The following ABCA4 variants were observed in gnomAD, a reference collection of about 807,000 sequenced individuals.
The protein encoded by ABCA4 is ATP binding cassette subfamily A member 4, also known as retinal-specific phospholipid-transporting ATPase ABCA4.
ABCA4 carries 196 observed loss-of-function variants against 263.7 expected under a neutral mutation model. The observed-to-expected ratio is 0.74, with a 90% confidence interval of 0.66 to 0.84. The LOEUF is 0.84. Ranked by LOEUF, ABCA4 falls within the 40% of genes least tolerant of loss-of-function variation. The pLI, the probability that ABCA4 is intolerant of heterozygous loss-of-function variation, is 0.00. For missense variants in ABCA4, 2,792 were observed against 2,855.1 expected, an observed-to-expected ratio of 0.98 and a Z score of 0.50; for synonymous variants, 1,133 against 1,094.2, an observed-to-expected ratio of 1.04 and a Z score of -0.70.
Position 93,996,247 on chromosome 1 carries a change from C to T in ABCA4, c.6730-52G>A, listed in dbSNP as rs956526633. Reference sequence around the variant, plus strand: ...GGTAGATATTTCCAGGAAAACAGCACCCTACACCCACCTACCCACTTTGCT... The same window carrying T: ...GGTAGATATTTCCAGGAAAACAGCATCCTACACCCACCTACCCACTTTGCT... On this transcript the variant is annotated intron_variant, in intron 48 of 49. Coordinates refer to ENST00000370225, the MANE Select transcript of ABCA4 (RefSeq NM_000350.3). 14 of 1,367,810 alleles carry T rather than the reference C, an allele frequency of 1.0e-5. No individual in the cohort carries two copies. In the Middle Eastern group the frequency reaches 8.9e-4, roughly 87 times the overall value. 84.7% of individuals were successfully genotyped at this position (1,367,810 alleles called of 1,614,324 possible). A position where few individuals can be genotyped will look rare whatever the true frequency, so the allele number is the denominator to read the frequency against.
intron 11 of ABCA4, among the ~76,000 whole-genome samples, chr1:94,074,368 G>T (rs1246383063): frequency 6.6e-6 from 1 of 152,158 alleles, no homozygotes; most frequent in Non-Finnish European, 1.5e-5. Flanking sequence ...ATTAACTCAA[G>T]CTGGATTAAA....
intron 18 of ABCA4, among the ~76,000 whole-genome samples, chr1:94,047,456 T>C (rs1324702391): frequency 6.6e-6 from 1 of 152,164 alleles, no homozygotes; most frequent in Non-Finnish European, 1.5e-5. Context: ...AGTTGGGATT[T>C]GAACCCAGAG....
At chr1:94,108,766 C>A in intron 3 of ABCA4, 50 bp from the exon 4 acceptor site, 1 of 1,600,376 alleles carries the variant, frequency 6.2e-7, no homozygotes. Flanking sequence ...ATTTTTATAA[C>A]AGTAATAATA....
Position 94,001,877 on chromosome 1 carries a change from C to T in ABCA4, c.6263G>A (p.Cys2088Tyr). Residue 2088 changes from cysteine to tyrosine, a missense_variant, in exon 45 of 50, where the codon TGC becomes TAC. Cys to Tyr is a radical substitution (Grantham distance 194). Transcript: ENST00000370225. Reference protein sequence around the residue: ...KLSTAIALIGCPPLVLLDEPT... With the variant: ...KLSTAIALIGYPPLVLLDEPT... ...AGTTACCAGCAGCACCAGCGGTGGG[C>T]AGCCAATGAGTGCGATGGCTGTGGA... 6.2e-7 allele frequency: 1 copy of T among 1,614,250 alleles called. No individual in the cohort carries two copies. Among genetic ancestry groups the T allele is most frequent in the Non-Finnish European group, 8.5e-7 (1 of 1,180,054 alleles).
intron 6 of ABCA4, among the ~76,000 whole-genome samples, chr1:94,097,110 A>AT (rs1662144390): frequency 6.6e-6 from 1 of 152,150 alleles, no homozygotes; most frequent in Non-Finnish European, 1.5e-5. Context: ...GAAACTTTGG[A>AT]TAGAGACATT....
At chr1:94,090,858 G>T (rs537556611) in intron 6 of ABCA4, among the ~76,000 whole-genome samples, 3 of 152,258 alleles carry the variant, frequency 2.0e-5, no homozygotes, top group Admixed American at 6.5e-5. Context: ...TGAGGTTTTA[G>T]GTTCCATGAG....
chr1:93,999,373 G>A (rs1659111889), intron 47 of ABCA4, among the ~76,000 whole-genome samples: 1 of 152,220 alleles, frequency 6.6e-6, no homozygotes, highest in African/African-American at 2.4e-5. Context: ...CCCAGTGTGG[G>A]GATCCCAAGA....
intron 14 of ABCA4, 112 bp from the exon 15 acceptor site, chr1:94,056,934 G>T: frequency 2.3e-6 from 2 of 884,840 alleles, no homozygotes; most frequent in South Asian, 1.4e-5. Flanking sequence ...AAATTTCTAC[G>T]CACACTCCAT....
chr1:94,031,782 G>A lies in ABCA4; in HGVS notation c.4124C>T (p.Ala1375Val), dbSNP rs1267585230. The change falls in exon 27 of 50, where the codon GCG becomes GTG. Residue 1375 changes from alanine (A) to valine (V), a missense_variant. Transcript: ENST00000370225. ...AACACCGACCGACAATAGTACCTGC[G>A]CCAGGAAGTCCTTGTGGCTGCGGAT... Reference protein sequence around the residue: ...HTIRSHKDFLAQIVLPATFVF... With the variant: ...HTIRSHKDFLVQIVLPATFVF... The A allele has an allele frequency of 1.5e-5, 24 of 1,613,482 alleles. No individual in the cohort carries two copies. The highest frequency in any genetic ancestry group is 2.2e-5 in the East Asian group (1 of 44,894).
In ABCA4 at chr1:94,079,507, T is replaced by C. The variant is rs772535294; in HGVS notation, c.1100-46A>G. The stretch of plus-strand genomic sequence containing the variant: ...GATTTTACAGAAACTCCCCATTGCT[T>C]GTAACTCAATATAGTCATTAGTGTA... On this transcript the variant is annotated intron_variant, in intron 8 of 49. Coordinates refer to ENST00000370225, the MANE Select transcript of ABCA4 (RefSeq NM_000350.3). The C allele has an allele frequency of 1.2e-5, 19 of 1,613,224 alleles. No individual in the cohort carries two copies. In the South Asian group the frequency reaches 1.9e-4, roughly 16 times the overall value.
intron 5 of ABCA4, among the ~76,000 whole-genome samples, chr1:94,100,357 T>C (rs532866990): frequency 6.6e-6 from 1 of 152,366 alleles, no homozygotes; most frequent in Admixed American, 6.5e-5. Flanking sequence ...TCTTTTAACT[T>C]CAACTGCCAT....
intron 45 of ABCA4, 186 bp downstream of exon 45, chr1:94,001,672 G>A: frequency 1.1e-6 from 1 of 873,938 alleles, no homozygotes; most frequent in Non-Finnish European, 1.8e-6. Flanking sequence ...GCCGTGACTT[G>A]TTTTTCTCCG....
At position 94,079,340 on chromosome 1, in the gene ABCA4, T is replaced by C; in HGVS notation, c.1221A>G (p.Ala407=). The change falls in exon 9 of 50, where the codon GCA becomes GCG. Residue 407 remains alanine, a synonymous_variant. Transcript: ENST00000370225. ...ATCTTACATTCTTCAGTATCCTTCG[T>C]GCTGCAGGTGAATCAGGAGTGTACA... is the stretch of plus-strand genomic sequence containing the variant. ...KILYTPDSPA[A]RRILKNANST... The C allele has an allele frequency of 3.1e-6, 5 of 1,614,132 alleles. No homozygotes were observed. Among genetic ancestry groups the C allele is most frequent in the Non-Finnish European group, 4.2e-6 (5 of 1,180,012 alleles).
rs751577765 is a variant in ABCA4, at chr1:93,996,148, A to T, written c.6777T>A (p.Pro2259=). ...AKQQTESHDL[P]LHPRAAGASR... ...TGGCTCCAGCAGCTCGAGGGTGCAG[A>T]GGGAGGTCATGACTTTCAGTCTGCT... Residue 2259 remains proline, a synonymous_variant, in exon 49 of 50, where the codon CCT becomes CCA. Transcript: ENST00000370225. 1 of 1,614,086 alleles carries T rather than the reference A, an allele frequency of 6.2e-7. No individual in the cohort carries two copies. Among genetic ancestry groups the T allele is most frequent in the South Asian group, 1.1e-5 (1 of 91,088 alleles).
chr1:94,072,972 G>A (rs544067478), intron 11 of ABCA4, among the ~76,000 whole-genome samples: 7 of 152,196 alleles, frequency 4.6e-5, no homozygotes, highest in African/African-American at 7.2e-5. Context: ...TGGTTAGGCC[G>A]CCCTCCTGGG....
At chr1:94,053,951 C>T (rs1030692132) in intron 16 of ABCA4, among the ~76,000 whole-genome samples, 1 of 152,232 alleles carries the variant, frequency 6.6e-6, no homozygotes, top group African/African-American at 2.4e-5. Context: ...TGTCCCTCCC[C>T]ATGGACTGGA....
At position 94,029,452 on chromosome 1, in the gene ABCA4, G is replaced by C. The variant is rs886046564; in HGVS notation, c.4532C>G (p.Pro1511Arg). 3.2e-6 allele frequency: 5 copies of C among 1,551,794 alleles called. No homozygotes were observed. Among genetic ancestry groups the C allele is most frequent in the Non-Finnish European group, 4.4e-6 (5 of 1,147,402 alleles). ...TGTTTGGAGGTCAGGTACCTGGGGG[G>C]GCGGGAGGCCCCCGGCACCCTCGGG... is the stretch of plus-strand genomic sequence containing the variant. ...ECPEGAGGLP[P>R]PQRTQRSTEI... is the part of the protein sequence containing the mutation. The change falls in exon 30 of 50, where the codon CCC becomes CGC. Residue 1511 changes from proline to arginine, a missense_variant. By Grantham distance (103) the Pro-to-Arg change is moderately radical. Coordinates refer to ENST00000370225, the MANE Select transcript of ABCA4 (RefSeq NM_000350.3).
intron 23 of ABCA4, among the ~76,000 whole-genome samples, chr1:94,040,964 T>C (rs1660469481): frequency 6.6e-6 from 1 of 152,234 alleles, no homozygotes; most frequent in South Asian, 2.1e-4. Context: ...CGCACCAAAC[T>C]GGTGTGTAAT....
intron 40 of ABCA4, among the ~76,000 whole-genome samples, chr1:94,009,281 C>T (rs1428022709): frequency 6.6e-6 from 1 of 152,172 alleles, no homozygotes; most frequent in African/African-American, 2.4e-5. Flanking sequence ...TCCTCTACAG[C>T]AAGCACTCAG....
Sources: gnomAD v4.1 joint callset for allele counts (sites outside exome capture counted in the v4.1 genomes callset) on GRCh38, gnomAD v4.1.1 for gene constraint, MANE v1.5 for transcripts, NCBI Gene and HGNC (gene_info 2026-07-23, HGNC 2026-07-21) for gene names.